DSC1: variants seen among roughly 807,000 people sequenced by gnomAD.
DSC1 encodes the protein desmocollin 1.
DSC1 carries 79 observed loss-of-function variants against 98.8 expected under a neutral mutation model. The observed-to-expected ratio is 0.80, with a 90% confidence interval of 0.67 to 0.96. DSC1 has a LOEUF of 0.96. Ranked by LOEUF, DSC1 falls within the 50% of genes least tolerant of loss-of-function variation. DSC1 has a pLI of 0.00. For missense variants in DSC1, 1,115 were observed against 1,075.9 expected, an observed-to-expected ratio of 1.04 and a Z score of -0.51; for synonymous variants, 405 against 372.1, an observed-to-expected ratio of 1.09 and a Z score of -1.02.
chr18:31,152,054 C>T (rs1172623653), intron 5 of DSC1, among the ~76,000 whole-genome samples: 3 of 151,678 alleles, frequency 2.0e-5, no homozygotes, highest in Non-Finnish European at 2.9e-5. Flanking sequence ...CCCAGCTACT[C>T]GGGAGGTTGA....
chr18:31,142,870 T>A (rs1988765192), intron 8 of DSC1, among the ~76,000 whole-genome samples: 1 of 151,958 alleles, frequency 6.6e-6, no homozygotes, highest in African/African-American at 2.4e-5. Context: ...TTTATTAGTA[T>A]GAGATCTTGA....
Position 31,131,778 on chromosome 18 carries a change from G to A in DSC1, c.2303C>T (p.Thr768Ile), listed in dbSNP as rs745923033. The change falls in exon 15 of 16, where the codon ACT (threonine) becomes ATT (isoleucine). Residue 768 changes from threonine to isoleucine, a missense_variant. Physicochemically the swap from Thr to Ile is moderately conservative, Grantham distance 89. Coordinates refer to ENST00000257198, the MANE Select transcript of DSC1 (RefSeq NM_024421.2). ...NICDTSMSVG[T>I]VGGQGIKTQQ... ...TGTTTTGATTCCCTGGCCACCAACAGTACCAACAGACATGCTTGTGTCACA... is the reference window on the plus strand; with the variant it reads ...TGTTTTGATTCCCTGGCCACCAACAATACCAACAGACATGCTTGTGTCACA... The A allele has an allele frequency of 4.3e-6, 7 of 1,613,918 alleles. No homozygotes were observed. Among genetic ancestry groups the A allele is most frequent in the African/African-American group, 1.3e-5 (1 of 74,914 alleles).
chr18:31,147,275 A>G (rs550404632), intron 6 of DSC1, among the ~76,000 whole-genome samples: 1 of 152,218 alleles, frequency 6.6e-6, no homozygotes, highest in Admixed American at 6.5e-5. Flanking sequence ...TTGAAACTTT[A>G]TAAAGATTCA....
intron 5 of DSC1, among the ~76,000 whole-genome samples, chr18:31,150,351 C>T (rs371020116): frequency 0.12 from 135 of 1,106 alleles, 8 homozygotes; most frequent in East Asian, 0.25. Flanking sequence ...ATCACCACCA[C>T]CACCACCATC....
intron 7 of DSC1, among the ~76,000 whole-genome samples, chr18:31,144,940 CTTT>C (rs1180867352): frequency 9.5e-6 from 1 of 105,088 alleles, no homozygotes; most frequent in Non-Finnish European, 1.8e-5. Context: ...CTTTTTCTTT[CTTT>C]TTTTTTTTTT....
At chr18:31,156,792 T>C (rs1036171793) in intron 3 of DSC1, among the ~76,000 whole-genome samples, 1 of 152,186 alleles carries the variant, frequency 6.6e-6, no homozygotes, top group Non-Finnish European at 1.5e-5. Flanking sequence ...AGCAACTTTT[T>C]CCTCCCTGCT....
At chr18:31,133,555 A>G (rs1988540905) in intron 13 of DSC1, among the ~76,000 whole-genome samples, 1 of 152,134 alleles carries the variant, frequency 6.6e-6, no homozygotes, top group African/African-American at 2.4e-5. Context: ...TGGTTGAAAG[A>G]CTATATTATT....
At chr18:31,148,380 A>G (rs1413542656) in intron 6 of DSC1, 118 bp downstream of exon 6, 1 of 1,272,700 alleles carries the variant, frequency 7.9e-7, no homozygotes, top group Non-Finnish European at 1.0e-6. Context: ...AAGTGTATGT[A>G]ATCAGAAATA....
At chr18:31,155,935 T>C in intron 4 of DSC1, 108 bp downstream of exon 4, 1 of 1,183,462 alleles carries the variant, frequency 8.4e-7, no homozygotes, top group Non-Finnish European at 1.2e-6. Flanking sequence ...GATCATTATT[T>C]GTACCATTAG....
At chr18:31,161,407 T>C (rs898531579) in intron 1 of DSC1, among the ~76,000 whole-genome samples, 3 of 151,906 alleles carry the variant, frequency 2.0e-5, no homozygotes, top group African/African-American at 4.8e-5. Context: ...ATTCTTATAG[T>C]TATATCCACA....
intron 9 of DSC1, 39 bp from the exon 10 acceptor site, chr18:31,140,340 A>ATT (rs776016145): frequency 1.3e-6 from 2 of 1,553,050 alleles, no homozygotes; most frequent in East Asian, 2.4e-5. Context: ...AATATATAAC[A>ATT]TTATATATAA....
At position 31,157,374 on chromosome 18, in the gene DSC1, G is replaced by A. The variant is rs985651525; in HGVS notation, c.348C>T (p.Asn116=). The change falls in exon 3 of 16, where the codon AAC becomes AAT. Residue 116 remains asparagine (N), a synonymous_variant. Transcript: ENST00000257198. ...EIKVVLSARE[N]KSPKKRHTKD... is the part of the protein sequence containing the mutation. ...TGCTTAAGCCCTTGCCTTATACCTT[G>A]TTTTCTCTTGCTGACAGTACAACTT... The A allele has an allele frequency of 4.3e-6, 7 of 1,614,050 alleles. No homozygotes were observed. The highest frequency in any genetic ancestry group is 1.1e-5 in the South Asian group (1 of 91,072).
At chr18:31,148,704 C>A in intron 5 of DSC1, 62 bp from the exon 6 acceptor site, 2 of 1,419,728 alleles carry the variant, frequency 1.4e-6, no homozygotes, top group South Asian at 1.7e-5. Context: ...CAAAAGTAAG[C>A]CTAGCAGTGG....
At chr18:31,158,944 T>C (rs1989152361) in intron 2 of DSC1, among the ~76,000 whole-genome samples, 1 of 151,910 alleles carries the variant, frequency 6.6e-6, no homozygotes. Context: ...AAGAGAAGTA[T>C]ACAACTAACT....
In DSC1 at chr18:31,156,076, G is replaced by A; in HGVS notation, c.438C>T (p.Asn146=). 1 of 1,614,108 alleles carries A rather than the reference G, an allele frequency of 6.2e-7. No homozygotes were observed. Among genetic ancestry groups the A allele is most frequent in the Non-Finnish European group, 8.5e-7 (1 of 1,180,026 alleles). ...WAPIPASLME[N]SLGPFPQHVQ... ...CGTGTTGTGGAAATGGACCCAACGA[G>A]TTCTCCATCAATGAAGCTGGAATAG... The change falls in exon 4 of 16, where the codon AAC becomes AAT. Residue 146 remains asparagine, a synonymous_variant. Coordinates refer to ENST00000257198, the MANE Select transcript of DSC1 (RefSeq NM_024421.2).
rs1598615522 is a variant in DSC1 at position 31,137,549 on chromosome 18, A to G, written c.1663+2199T>C. On this transcript the variant is annotated intron_variant, in intron 11 of 15. Transcript: ENST00000257198. The stretch of plus-strand genomic sequence containing the variant: ...TTTTCTGCCAGATACTTGGAAAGGG[A>G]CGATTTACAAAGAAAAAGGGTCTTT... Among the ~76,000 whole-genome samples, 3 of 152,276 alleles carry G rather than the reference A, an allele frequency of 2.0e-5. No homozygotes were observed. The East Asian group carries it at 5.8e-4, about 29-fold the overall frequency.
At chr18:31,139,939 G>A (rs995602316) in intron 10 of DSC1, 49 bp from the exon 11 acceptor site, 3 of 1,567,482 alleles carry the variant, frequency 1.9e-6, no homozygotes, top group East Asian at 2.2e-5. Flanking sequence ...GAAGGGACAT[G>A]ATCTTAAAAT....
At chr18:31,143,836 TATAACTTGCAATTCTCACAACC>T in intron 7 of DSC1, 45 bp from the exon 8 acceptor site, 1 of 1,460,674 alleles carries the variant, frequency 6.8e-7, no homozygotes, top group Non-Finnish European at 9.1e-7. Flanking sequence ...TTTTATTTCC[TATAACTTGCAATTCTCACAACC>T]ACTTGTTTAG....
Position 31,144,636 on chromosome 18 carries a change from A to T in DSC1, c.940-845T>A, listed in dbSNP as rs78069204. ...GCATCAATAGGAGAAGCACTACAGA[A>T]GCAAAATAATCCTCAATAGGAGGAT... On this transcript the variant is annotated intron_variant, in intron 7 of 15. Transcript: ENST00000257198. Among the ~76,000 whole-genome samples the T allele has an allele frequency of 3.3e-3, 509 of 152,324 alleles. 4 individuals are homozygous for T. The highest frequency in any genetic ancestry group is 0.011 in the African/African-American group (469 of 41,564).
Sources: gnomAD v4.1 joint callset for allele counts (sites outside exome capture counted in the v4.1 genomes callset) on GRCh38, gnomAD v4.1.1 for gene constraint, MANE v1.5 for transcripts, NCBI Gene and HGNC (gene_info 2026-07-23, HGNC 2026-07-21) for gene names.